DENND1A: variants seen among roughly 807,000 people sequenced by gnomAD.
DENND1A encodes the protein DENN domain containing 1A.
DENND1A carries 51 observed loss-of-function variants against 113.7 expected under a neutral mutation model. The observed-to-expected ratio is 0.45, with a 90% CI of 0.36 to 0.57. DENND1A has a LOEUF of 0.57. Ranked by LOEUF, DENND1A falls within the 20% of genes least tolerant of loss-of-function variation. The pLI, the probability that DENND1A is intolerant of heterozygous loss-of-function variation, is 0.00. For missense variants in DENND1A, 1,258 were observed against 1,395.9 expected (o/e 0.90, Z 1.57); for synonymous variants, 565 against 570.8 (o/e 0.99, Z 0.14).
At chr9:123,410,360 CT>C (rs2044209331) in intron 20 of DENND1A, among the ~76,000 whole-genome samples, 1 of 152,220 alleles carries the variant, frequency 6.6e-6, no homozygotes, top group South Asian at 2.1e-4. Context: ...AAAGCAGTTT[CT>C]TTTTGCTGCT....
chr9:123,736,296 A>C (rs952097874), intron 5 of DENND1A: 2 of 152,316 alleles, frequency 1.3e-5, no homozygotes, highest in Admixed American at 6.5e-5. Context: ...AATCATACCC[A>C]AAGTCAGAGT....
chr9:123,819,792 A>C (rs1838168383), intron 2 of DENND1A, among the ~76,000 whole-genome samples: 1 of 152,078 alleles, frequency 6.6e-6, no homozygotes, highest in African/African-American at 2.4e-5. Flanking sequence ...CCAGCCTCGG[A>C]TCCTAGAGTG....
At chr9:123,552,344 C>T (rs530664446) in intron 13 of DENND1A, among the ~76,000 whole-genome samples, 51 of 152,362 alleles carry the variant, frequency 3.3e-4, no homozygotes, top group Non-Finnish European at 6.2e-4. Flanking sequence ...CCTCACTACA[C>T]TCCTGCAAGG....
intron 22 of DENND1A, among the ~76,000 whole-genome samples, chr9:123,386,783 G>A (rs542454744): frequency 6.6e-6 from 1 of 152,312 alleles, no homozygotes; most frequent in African/African-American, 2.4e-5. Context: ...CTGACCCTGT[G>A]GGGTCAATGA....
chr9:123,453,232 G>C (rs2132754500), intron 16 of DENND1A, among the ~76,000 whole-genome samples: 1 of 152,310 alleles, frequency 6.6e-6, no homozygotes, highest in South Asian at 2.1e-4. Flanking sequence ...AATTACAACA[G>C]CGTGTGATGA....
chr9:123,862,830 A>C (rs1284480419), intron 2 of DENND1A, among the ~76,000 whole-genome samples: 1 of 152,212 alleles, frequency 6.6e-6, no homozygotes, highest in East Asian at 1.9e-4. Context: ...TATGTATAAC[A>C]ATCAGGAGCT....
intron 5 of DENND1A, among the ~76,000 whole-genome samples, chr9:123,752,281 T>C (rs1026266678): frequency 6.6e-6 from 1 of 152,318 alleles, no homozygotes; most frequent in African/African-American, 2.4e-5. Flanking sequence ...AGAGACCAAG[T>C]GTTATGTATT....
intron 13 of DENND1A, among the ~76,000 whole-genome samples, chr9:123,514,168 G>A (rs2053701419): frequency 6.6e-6 from 1 of 151,486 alleles, no homozygotes; most frequent in Non-Finnish European, 1.5e-5. Flanking sequence ...GGGTGACTAA[G>A]GTATCTGTTT....
chr9:123,602,838 T>TTTG (rs948883222), intron 11 of DENND1A, among the ~76,000 whole-genome samples: 1 of 152,136 alleles, frequency 6.6e-6, no homozygotes, highest in African/African-American at 2.4e-5. Flanking sequence ...CCTGGCTAGT[T>TTTG]TTGTTGTTGT....
At chr9:123,767,895 A>T (rs1179392142) in intron 4 of DENND1A, among the ~76,000 whole-genome samples, 7 of 152,156 alleles carry the variant, frequency 4.6e-5, no homozygotes, top group African/African-American at 1.7e-4. Flanking sequence ...TAAACACCTA[A>T]CTGCATTTAT....
At chr9:123,513,687 C>T (rs1185107553) in intron 13 of DENND1A, among the ~76,000 whole-genome samples, 1 of 152,232 alleles carries the variant, frequency 6.6e-6, no homozygotes, top group Non-Finnish European at 1.5e-5. Context: ...AAGACAGCAT[C>T]ATACCAAGAC....
At chr9:123,445,144 G>A (rs1259004937) in intron 18 of DENND1A, among the ~76,000 whole-genome samples, 3 of 152,230 alleles carry the variant, frequency 2.0e-5, no homozygotes, top group South Asian at 2.1e-4. Context: ...CACGGCATAC[G>A]GTAAGTCTCT....
intron 21 of DENND1A, among the ~76,000 whole-genome samples, chr9:123,388,401 TCTG>T (rs1186754724): frequency 3.9e-5 from 6 of 152,254 alleles, no homozygotes; most frequent in African/African-American, 9.6e-5. Context: ...TTCTTTCCCC[TCTG>T]CTGCTTTTTA....
chr9:123,468,879 C>T (rs12002627), intron 13 of DENND1A, among the ~76,000 whole-genome samples: 2 of 152,254 alleles, frequency 1.3e-5, no homozygotes, highest in Admixed American at 1.3e-4. Flanking sequence ...ATCCTTCACT[C>T]ACCAAATCCT....
At chr9:123,469,805 T>C (rs1178863448) in intron 13 of DENND1A, among the ~76,000 whole-genome samples, 1 of 152,196 alleles carries the variant, frequency 6.6e-6, no homozygotes, top group Admixed American at 6.5e-5. Flanking sequence ...GGTAGGATGA[T>C]GATCTCCATT....
At chr9:123,892,939 G>A (rs540303235) in intron 1 of DENND1A, among the ~76,000 whole-genome samples, 4 of 152,172 alleles carry the variant, frequency 2.6e-5, no homozygotes, top group African/African-American at 7.2e-5. Flanking sequence ...CCGAGATCGC[G>A]CCACTGCACT....
intron 16 of DENND1A, among the ~76,000 whole-genome samples, chr9:123,454,111 C>T (rs1006175813): frequency 3.9e-5 from 6 of 152,192 alleles, no homozygotes; most frequent in Non-Finnish European, 7.3e-5. Context: ...TGCTTCGTGC[C>T]CGCCTCCCCA....
At chr9:123,862,732 GAAA>G (rs1845222221) in intron 2 of DENND1A, among the ~76,000 whole-genome samples, 1 of 151,852 alleles carries the variant, frequency 6.6e-6, no homozygotes, top group Non-Finnish European at 1.5e-5. Context: ...CCTCACCCCC[GAAA>G]AAAGGCAGTA....
chr9:123,668,620 T>C (rs938545814), intron 7 of DENND1A, among the ~76,000 whole-genome samples: 1 of 152,232 alleles, frequency 6.6e-6, no homozygotes, highest in Non-Finnish European at 1.5e-5. Flanking sequence ...CTGTGCTCTT[T>C]CCACCATGAC....
Sources: allele counts gnomAD v4.1 joint callset (sites outside exome capture counted in the v4.1 genomes callset), GRCh38; gene constraint gnomAD v4.1.1; transcripts MANE v1.5; gene names NCBI Gene and HGNC (gene_info 2026-07-23, HGNC 2026-07-21).